The following ST7 variants were observed in gnomAD, a reference collection of about 807,000 sequenced individuals.
The protein encoded by ST7 is suppression of tumorigenicity 7, also known as suppressor of tumorigenicity 7 protein.
ST7 carries 28 observed loss-of-function variants against 78.7 expected under a neutral mutation model. The ratio of observed to expected loss-of-function variants is 0.36; its 90% CI spans 0.26 to 0.49. ST7 has a LOEUF of 0.49. ST7 is among the 20% of genes least tolerant of loss of function. The pLI is 0.99. For synonymous variants in ST7, 247 were observed against 249.6 expected (o/e 0.99, Z 0.10); for missense variants, 418 against 696.0 (o/e 0.60, Z 4.49).
intron 9 of ST7, among the ~76,000 whole-genome samples, chr7:117,150,515 G>T (rs1001408911): frequency 2.6e-5 from 4 of 151,992 alleles, no homozygotes; most frequent in Non-Finnish European, 5.9e-5. Context: ...TGCTGTCTGG[G>T]TCTCTCACTT....
rs1809675787 is a variant in ST7, at chr7:117,190,516, G to C, written c.1152-318G>C. On this transcript the variant is annotated intron_variant, in intron 11 of 15. Transcript: ENST00000323984. The surrounding 1 kb of genome is among the most constrained non-coding windows in gnomAD (Gnocchi z 5.2). Reference sequence around the variant, plus strand: ...CCTAGTTTTCTCTTTTTCCTACACTGTCTGCCCTTGTCAGTCCTACCTCTT... The same window carrying C: ...CCTAGTTTTCTCTTTTTCCTACACTCTCTGCCCTTGTCAGTCCTACCTCTT... Among the ~76,000 whole-genome samples, 1 of 152,118 alleles carries C rather than the reference G, an allele frequency of 6.6e-6. No individual in the cohort carries two copies. Among genetic ancestry groups the C allele is most frequent in the South Asian group, 2.1e-4 (1 of 4,828 alleles).
chr7:117,151,724 G>A (rs145777818), intron 9 of ST7, among the ~76,000 whole-genome samples: 48 of 152,210 alleles, frequency 3.2e-4, no homozygotes, highest in Non-Finnish European at 4.9e-4. Context: ...AATTTTTGTG[G>A]AATGAATGGA....
At chr7:117,020,698 AGT>A (rs1795854506) in intron 1 of ST7, 1 of 1,543,180 alleles carries the variant, frequency 6.5e-7, no homozygotes, top group African/African-American at 1.4e-5. Context: ...ATTGGCTTAG[AGT>A]TCATATCACT....
At chr7:116,969,005 AAAT>A (rs1793281384) in intron 1 of ST7, among the ~76,000 whole-genome samples, 1 of 152,250 alleles carries the variant, frequency 6.6e-6, no homozygotes, top group Non-Finnish European at 1.5e-5. Context: ...ATAATATGAG[AAAT>A]AATAATAGTG....
chr7:116,993,115 C>A (rs1293442427), intron 1 of ST7, among the ~76,000 whole-genome samples: 2 of 152,172 alleles, frequency 1.3e-5, no homozygotes, highest in Non-Finnish European at 2.9e-5. Flanking sequence ...CTGAGCCTTC[C>A]AAACTGTTTC....
At chr7:117,145,870 C>T (rs1383901138) in intron 9 of ST7, among the ~76,000 whole-genome samples, 1 of 152,060 alleles carries the variant, frequency 6.6e-6, no homozygotes, top group Non-Finnish European at 1.5e-5. Context: ...TGCCTTTGAC[C>T]ATGTTAAACC....
intron 13 of ST7, among the ~76,000 whole-genome samples, chr7:117,214,899 G>T (rs1584622798): frequency 1.4e-5 from 2 of 145,250 alleles, no homozygotes; most frequent in East Asian, 4.1e-4. Context: ...GAAATGCTTT[G>T]GGAAGAACAT....
chr7:117,136,232 C>T lies in ST7; in HGVS notation c.862C>T (p.His288Tyr), dbSNP rs141112917. The change falls in exon 8 of 16, where the codon CAT becomes TAT. Residue 288 changes from histidine (H) to tyrosine (Y), a missense_variant. Physicochemically the swap from His to Tyr is moderately conservative, Grantham distance 83. This residue lies in a region of ST7 where 288 missense variants were observed against 537.1 expected (regional missense o/e 0.54). Coordinates refer to ENST00000323984, the MANE Select transcript of ST7 (RefSeq NM_001369598.1). ...TCATGGATCCCAGTATGAAGCCCAA[C>T]ATAGTAAGGTTTCCTGCAGGTTGAT... ...QHHGSQYEAQ[H>Y]RRDTNVLVYI... The T allele has an allele frequency of 2.4e-5, 39 of 1,613,490 alleles. No homozygotes were observed. The highest frequency in any genetic ancestry group is 2.5e-5 in the Non-Finnish European group (30 of 1,179,686).
chr7:116,969,112 G>C (rs1038516466), intron 1 of ST7, among the ~76,000 whole-genome samples: 1 of 152,094 alleles, frequency 6.6e-6, no homozygotes, highest in African/African-American at 2.4e-5. Flanking sequence ...CTATTTTTTA[G>C]AACCCTTTTA....
At chr7:117,212,909 G>T (rs1187548804) in intron 13 of ST7, among the ~76,000 whole-genome samples, 1 of 152,098 alleles carries the variant, frequency 6.6e-6, no homozygotes, top group African/African-American at 2.4e-5. Flanking sequence ...TTTTGACATC[G>T]CTTCTGGATC....
At chr7:116,992,324 C>A in intron 1 of ST7, among the ~76,000 whole-genome samples, 1 of 152,210 alleles carries the variant, frequency 6.6e-6, no homozygotes, top group East Asian at 1.9e-4. Context: ...CCTGGGCATC[C>A]AGGCATCTCC....
At chr7:117,118,537 G>A (rs983219398) in intron 2 of ST7, 1 of 152,054 alleles carries the variant, frequency 6.6e-6, no homozygotes, top group Admixed American at 6.5e-5. Flanking sequence ...TTGTTTTTAT[G>A]GAATAAGTAA....
chr7:116,995,889 G>T (rs1249767198), intron 1 of ST7, among the ~76,000 whole-genome samples: 1 of 152,112 alleles, frequency 6.6e-6, no homozygotes, highest in Non-Finnish European at 1.5e-5. Flanking sequence ...AATTGTGTTT[G>T]GGCTGAAAAG....
At chr7:117,053,782 T>G (rs1394647410) in intron 1 of ST7, among the ~76,000 whole-genome samples, 1 of 151,930 alleles carries the variant, frequency 6.6e-6, no homozygotes, top group Non-Finnish European at 1.5e-5. Flanking sequence ...GAGTTATGTA[T>G]GGTGTGGGAG....
chr7:117,219,226 G>A lies in ST7; in HGVS notation c.1498+50G>A. 2 of 1,459,650 alleles carry A rather than the reference G, an allele frequency of 1.4e-6. No individual in the cohort carries two copies. Among genetic ancestry groups the A allele is most frequent in the South Asian group, 1.2e-5 (1 of 82,806 alleles). 90.4% of individuals were successfully genotyped at this position (1,459,650 alleles called of 1,614,324 possible). A position where few individuals can be genotyped will look rare whatever the true frequency, so the allele number is the denominator to read the frequency against. Reference sequence around the variant, plus strand: ...GTGAGGGTGTGTGGTGAAAGGTGGGGATTGGAAGAGGTGGGAATATCAAAG... The same window carrying A: ...GTGAGGGTGTGTGGTGAAAGGTGGGAATTGGAAGAGGTGGGAATATCAAAG... On this transcript the variant is annotated intron_variant, in intron 14 of 15. Transcript: ENST00000323984. This position sits in a 1 kb window ranked among gnomAD's most constrained non-coding sequence, Gnocchi z 5.1.
chr7:117,204,418 C>T (rs1225476411), intron 12 of ST7, among the ~76,000 whole-genome samples: 1 of 152,116 alleles, frequency 6.6e-6, no homozygotes, highest in East Asian at 1.9e-4. Context: ...AATAACATGT[C>T]CAGGGTCTCG....
chr7:117,059,011 G>A (rs1382692446), intron 1 of ST7, among the ~76,000 whole-genome samples: 1 of 152,150 alleles, frequency 6.6e-6, no homozygotes, highest in African/African-American at 2.4e-5. Flanking sequence ...TGAACTAATG[G>A]AGATAGAGAA....
intron 2 of ST7, among the ~76,000 whole-genome samples, chr7:117,102,682 G>A (rs1801651192): frequency 6.6e-6 from 1 of 152,104 alleles, no homozygotes; most frequent in Non-Finnish European, 1.5e-5. Context: ...GATATCCAGA[G>A]AGGACAAGGA....
At chr7:117,138,647 CTG>C (rs944008887) in intron 9 of ST7, 115 bp downstream of exon 9, 88 of 686,486 alleles carry the variant, frequency 1.3e-4, no homozygotes, top group Non-Finnish European at 1.9e-4. Flanking sequence ...TGGAGCCAGA[CTG>C]TGTGGGGTTC....
Sources: allele counts gnomAD v4.1 joint callset (sites outside exome capture counted in the v4.1 genomes callset), GRCh38; gene constraint gnomAD v4.1.1; regional missense constraint gnomAD v4.1.1; non-coding constraint Gnocchi (gnomAD v3.1); transcripts MANE v1.5; gene names NCBI Gene and HGNC (gene_info 2026-07-23, HGNC 2026-07-21).